LAMC3: variants seen among roughly 807,000 people sequenced by gnomAD.
The protein encoded by LAMC3 is laminin subunit gamma 3, also known as laminin subunit gamma-3.
In LAMC3, 128 loss-of-function variants were observed where a neutral mutation model predicts 173.8. The observed-to-expected ratio is 0.74, with a 90% CI of 0.64 to 0.85. The LOEUF is 0.85. LAMC3 is among the 40% of genes least tolerant of loss of function. The pLI is 0.00. For missense variants in LAMC3, 2,022 were observed against 2,156.0 expected, an observed-to-expected ratio of 0.94 and a Z score of 1.23; for synonymous variants, 897 against 909.1, an observed-to-expected ratio of 0.99 and a Z score of 0.24.
chr9:131,060,771 T>C (rs995548965), intron 12 of LAMC3, among the ~76,000 whole-genome samples: 1 of 152,176 alleles, frequency 6.6e-6, no homozygotes, highest in Non-Finnish European at 1.5e-5. Flanking sequence ...AGTGCTGTGG[T>C]TGTTCCCATT....
intron 1 of LAMC3, among the ~76,000 whole-genome samples, chr9:131,023,122 C>A (rs1338492320): frequency 1.3e-5 from 2 of 152,158 alleles, no homozygotes; most frequent in Non-Finnish European, 2.9e-5. Context: ...TTCTTGTAGC[C>A]CAATCATATT....
chr9:131,027,175 T>C (rs1247605434), intron 2 of LAMC3, among the ~76,000 whole-genome samples: 1 of 152,204 alleles, frequency 6.6e-6, no homozygotes, highest in Non-Finnish European at 1.5e-5. Flanking sequence ...CAGGAGCCTG[T>C]GAGGGCTGTC....
chr9:131,039,453 G>A (rs1030696640), intron 6 of LAMC3, among the ~76,000 whole-genome samples: 1 of 152,090 alleles, frequency 6.6e-6, no homozygotes, highest in African/African-American at 2.4e-5. Context: ...TGAGCCCTGT[G>A]GAAGCTCAGC....
intron 20 of LAMC3, among the ~76,000 whole-genome samples, chr9:131,075,277 A>G (rs1830104007): frequency 6.6e-6 from 1 of 151,708 alleles, no homozygotes; most frequent in South Asian, 2.1e-4. Context: ...CTTAAAAAGA[A>G]AAAAATAAGG....
chr9:131,071,878 G>A (rs1405284046), intron 18 of LAMC3, among the ~76,000 whole-genome samples: 1 of 152,240 alleles, frequency 6.6e-6, no homozygotes, highest in Non-Finnish European at 1.5e-5. Flanking sequence ...GGGGTGTCAT[G>A]AGGCGCTGCT....
intron 1 of LAMC3, among the ~76,000 whole-genome samples, chr9:131,023,739 C>T (rs987995467): frequency 6.6e-6 from 1 of 152,158 alleles, no homozygotes; most frequent in African/African-American, 2.4e-5. Context: ...TCCCAAGCAG[C>T]TTGGAGGCAC....
At chr9:131,043,960 CTTT>C (rs71389386) in intron 7 of LAMC3, among the ~76,000 whole-genome samples, 5,490 of 133,974 alleles carry the variant, frequency 0.041, 137 homozygotes, top group South Asian at 0.076. Flanking sequence ...TGACTTGCTG[CTTT>C]TTTTTTTTTT....
intron 13 of LAMC3, among the ~76,000 whole-genome samples, chr9:131,062,000 G>A (rs1445482044): frequency 4.0e-5 from 6 of 151,460 alleles, no homozygotes; most frequent in African/African-American, 7.3e-5. Flanking sequence ...GCAGTGTGCC[G>A]AGATTTCACC....
chr9:131,041,529 G>C (rs911267760), intron 6 of LAMC3, 108 bp from the exon 7 acceptor site: 34 of 953,416 alleles, frequency 3.6e-5, no homozygotes, highest in Non-Finnish European at 5.4e-5. Flanking sequence ...ACCTGCGTCA[G>C]CCTCACTCCT....
chr9:131,032,130 T>C lies in LAMC3; in HGVS notation c.764T>C (p.Leu255Pro). Residue 255 changes from leucine (L) to proline (P), a missense_variant, in exon 3 of 28, where the codon CTC becomes CCC. By Grantham distance (98) the Leu-to-Pro change is moderately conservative. Transcript: ENST00000361069. ...GDDIFKDPKV[L>P]QSYYYAVSDF... ...GACATCTTCAAGGACCCCAAGGTGC[T>C]CCAGTCCTACTATTATGCCGTGTCC... 1 of 1,613,454 alleles carries C rather than the reference T, an allele frequency of 6.2e-7. No homozygotes were observed. Among genetic ancestry groups the C allele is most frequent in the Middle Eastern group, 1.7e-4 (1 of 6,060 alleles).
intron 8 of LAMC3, among the ~76,000 whole-genome samples, chr9:131,046,523 T>A (rs1349811786): frequency 4.5e-5 from 5 of 112,076 alleles, no homozygotes; most frequent in African/African-American, 1.9e-4. Flanking sequence ...TTTGTATTTT[T>A]TTTTTTTTTT....
intron 1 of LAMC3, among the ~76,000 whole-genome samples, chr9:131,025,090 C>T (rs1833692919): frequency 1.3e-5 from 2 of 152,144 alleles, no homozygotes; most frequent in Non-Finnish European, 2.9e-5. Flanking sequence ...TACCCGCTCT[C>T]AGTGTAGAAG....
chr9:131,078,867 C>T (rs1830180482), intron 22 of LAMC3, among the ~76,000 whole-genome samples: 1 of 152,230 alleles, frequency 6.6e-6, no homozygotes, highest in Non-Finnish European at 1.5e-5. Flanking sequence ...GGACTGTCAT[C>T]TGAGCCCCAA....
In LAMC3 at chr9:131,092,514, T is replaced by C. The variant is rs710076; in HGVS notation, c.*727T>C. The C allele has an allele frequency of 0.66, 100,384 of 152,614 alleles. 35,853 individuals are homozygous for C. Among genetic ancestry groups the C allele is most frequent in the Non-Finnish European group, 0.79 (53,883 of 68,338 alleles). The allele number at this position is 152,614 out of a possible 1,614,324, so 9.5% of individuals were successfully genotyped here. On this transcript the variant is annotated 3_prime_UTR_variant, in exon 28 of 28. Coordinates refer to ENST00000361069, the MANE Select transcript of LAMC3 (RefSeq NM_006059.4). ...GCTAGTCTGGCTAGAGCAAGGCCCA[T>C]TCCTGGCGGGGGTGTCATTGCCTTC...
At chr9:131,083,344 C>T (rs1830275373) in intron 24 of LAMC3, among the ~76,000 whole-genome samples, 1 of 152,174 alleles carries the variant, frequency 6.6e-6, no homozygotes, top group African/African-American at 2.4e-5. Flanking sequence ...AACCTCAAAC[C>T]TCTAACCCCA....
intron 1 of LAMC3, among the ~76,000 whole-genome samples, chr9:131,014,535 G>C (rs1309194053): frequency 6.6e-6 from 1 of 152,238 alleles, no homozygotes; most frequent in Non-Finnish European, 1.5e-5. Context: ...GTGAGGGCTT[G>C]GTCTGTTTAC....
At chr9:131,059,212 G>T (rs960672757) in intron 12 of LAMC3, among the ~76,000 whole-genome samples, 2 of 138,346 alleles carry the variant, frequency 1.4e-5, no homozygotes, top group African/African-American at 2.7e-5. Context: ...ATAAAAAAAG[G>T]CCGGGCACGG....
At chr9:131,061,275 A>G in intron 13 of LAMC3, 52 bp downstream of exon 13, 1 of 1,483,924 alleles carries the variant, frequency 6.7e-7, no homozygotes, top group Non-Finnish European at 9.2e-7. Flanking sequence ...AAGCCCCGGC[A>G]CTGTGACTAT....
At chr9:131,083,706 G>T (rs1487677139) in intron 24 of LAMC3, among the ~76,000 whole-genome samples, 2 of 152,034 alleles carry the variant, frequency 1.3e-5, no homozygotes, top group African/African-American at 4.8e-5. Context: ...GAGAATTAGG[G>T]CTCCACACAA....
Sources: gnomAD v4.1 joint callset for allele counts (sites outside exome capture counted in the v4.1 genomes callset) on GRCh38, gnomAD v4.1.1 for gene constraint, MANE v1.5 for transcripts, NCBI Gene and HGNC (gene_info 2026-07-23, HGNC 2026-07-21) for gene names.